Variants in ESRRG observed in about 807,000 individuals in gnomAD.
ESRRG encodes the protein estrogen related receptor gamma.
Under a neutral mutation model 44.0 loss-of-function variants are expected in ESRRG, and 13 were observed. That is an observed-to-expected ratio of 0.30 (90% CI 0.19 to 0.47). The LOEUF is 0.47. Among genes scored for constraint, ESRRG ranks in the 20% least tolerant of loss-of-function variants. The pLI, the probability that ESRRG is intolerant of heterozygous loss-of-function variation, is 1.00. For missense variants in ESRRG, 395 were observed against 580.6 expected (o/e 0.68, Z 3.29); for synonymous variants, 215 against 214.6 (o/e 1.00, Z -0.02).
intron 5 of ESRRG, among the ~76,000 whole-genome samples, chr1:216,563,808 C>T (rs973902687): frequency 2.0e-5 from 3 of 152,074 alleles, no homozygotes; most frequent in African/African-American, 7.2e-5. Flanking sequence ...TATAACTAGC[C>T]ACTATGAACA....
intron 6 of ESRRG, among the ~76,000 whole-genome samples, chr1:216,514,673 A>G (rs1211420837): frequency 6.6e-6 from 1 of 152,130 alleles, no homozygotes; most frequent in African/African-American, 2.4e-5. Context: ...GAAATAGCTC[A>G]TTGATAGCAA....
intron 2 of ESRRG, among the ~76,000 whole-genome samples, chr1:216,752,774 CT>C (rs1257581084): frequency 4.6e-5 from 7 of 152,138 alleles, no homozygotes; most frequent in African/African-American, 1.7e-4. Flanking sequence ...CCATCCATGC[CT>C]CTTATTAGCT....
At chr1:217,020,429 T>C (rs948133563) in intron 1 of ESRRG, among the ~76,000 whole-genome samples, 2 of 152,184 alleles carry the variant, frequency 1.3e-5, no homozygotes, top group African/African-American at 2.4e-5. Context: ...AACTGAGACT[T>C]GAAAGGTAAC....
intron 2 of ESRRG, among the ~76,000 whole-genome samples, chr1:216,656,997 T>G (rs2070774382): frequency 6.6e-6 from 1 of 152,216 alleles, no homozygotes; most frequent in Non-Finnish European, 1.5e-5. Flanking sequence ...TAATCTGTAG[T>G]ATTTTTGTTT....
At chr1:216,718,566 T>C (rs1020302335) in intron 1 of ESRRG, among the ~76,000 whole-genome samples, 1 of 151,960 alleles carries the variant, frequency 6.6e-6, no homozygotes, top group Non-Finnish European at 1.5e-5. Flanking sequence ...ATAAGTATGA[T>C]TGGAGAAAGA....
At chr1:217,134,643 C>A (rs2093022758) in intron 1 of ESRRG, among the ~76,000 whole-genome samples, 1 of 152,214 alleles carries the variant, frequency 6.6e-6, no homozygotes, top group Non-Finnish European at 1.5e-5. Context: ...TCCAGCCAGC[C>A]GCTGCGCGCC....
At chr1:217,030,688 A>G (rs1279320531) in intron 1 of ESRRG, among the ~76,000 whole-genome samples, 1 of 152,238 alleles carries the variant, frequency 6.6e-6, no homozygotes, top group Non-Finnish European at 1.5e-5. Context: ...GCATTTGTCA[A>G]ATTTTACATT....
intron 5 of ESRRG, among the ~76,000 whole-genome samples, chr1:216,521,433 CT>C: frequency 6.6e-6 from 1 of 150,502 alleles, no homozygotes; most frequent in Non-Finnish European, 1.5e-5. Context: ...GTAAGAATTT[CT>C]TGTGTAAATT....
intron 2 of ESRRG, among the ~76,000 whole-genome samples, chr1:216,859,384 G>A (rs2096010059): frequency 6.6e-6 from 1 of 152,202 alleles, no homozygotes; most frequent in Non-Finnish European, 1.5e-5. Flanking sequence ...ACATCTAAAA[G>A]GCTCAGGAAA....
intron 1 of ESRRG, among the ~76,000 whole-genome samples, chr1:216,965,602 C>T (rs1560288664): frequency 6.6e-6 from 1 of 152,136 alleles, no homozygotes; most frequent in Non-Finnish European, 1.5e-5. Flanking sequence ...TCTAGGCCTA[C>T]TTCAGGTCTG....
chr1:216,790,598 G>T (rs1469161382), intron 2 of ESRRG, among the ~76,000 whole-genome samples: 1 of 152,116 alleles, frequency 6.6e-6, no homozygotes, highest in Non-Finnish European at 1.5e-5. Flanking sequence ...AAATCATGGT[G>T]TAAGATTAAA....
intron 1 of ESRRG, among the ~76,000 whole-genome samples, chr1:217,060,444 C>A (rs1326750040): frequency 2.0e-5 from 3 of 152,046 alleles, no homozygotes; most frequent in African/African-American, 7.2e-5. Flanking sequence ...CTCCCCCTTT[C>A]CTCTGAACTT....
chr1:216,818,943 C>G (rs2095226664), intron 2 of ESRRG, among the ~76,000 whole-genome samples: 1 of 152,234 alleles, frequency 6.6e-6, no homozygotes, highest in South Asian at 2.1e-4. Context: ...AGGACATGAT[C>G]TCATTCTTTT....
chr1:216,693,171 T>C (rs1186323721), intron 1 of ESRRG, among the ~76,000 whole-genome samples: 1 of 152,258 alleles, frequency 6.6e-6, no homozygotes, highest in Admixed American at 6.5e-5. Flanking sequence ...CAGCAAGTCT[T>C]TCCTGGCACT....
chr1:217,132,027 C>T (rs897017912), intron 1 of ESRRG, among the ~76,000 whole-genome samples: 1 of 152,168 alleles, frequency 6.6e-6, no homozygotes, highest in Non-Finnish European at 1.5e-5. Flanking sequence ...GACCCCATTG[C>T]TGGAGCTCTG....
chr1:216,801,291 AC>A (rs2094608160), intron 2 of ESRRG, among the ~76,000 whole-genome samples: 1 of 152,102 alleles, frequency 6.6e-6, no homozygotes, highest in African/African-American at 2.4e-5. Context: ...CTGGACTCGA[AC>A]CCCTGTCTTC....
intron 1 of ESRRG, among the ~76,000 whole-genome samples, chr1:217,053,465 AAAAG>A (rs3072270): frequency 0.47 from 67,680 of 145,386 alleles, 16,506 homozygotes; most frequent in East Asian, 0.69. Context: ...AAAGCCAAAA[AAAAG>A]AAAGAAAGAA....
At chr1:216,549,618 C>T (rs1462820592) in intron 5 of ESRRG, among the ~76,000 whole-genome samples, 1 of 151,844 alleles carries the variant, frequency 6.6e-6, no homozygotes, top group East Asian at 1.9e-4. Context: ...AGTATGTGCC[C>T]CAAATTAACA....
chr1:216,641,117 C>T (rs1013684478), intron 3 of ESRRG, among the ~76,000 whole-genome samples: 1 of 152,072 alleles, frequency 6.6e-6, no homozygotes, highest in Non-Finnish European at 1.5e-5. Flanking sequence ...AATAGTATCC[C>T]TACTAAATCA....
Sources: gnomAD v4.1 joint callset for allele counts (sites outside exome capture counted in the v4.1 genomes callset) on GRCh38, gnomAD v4.1.1 for gene constraint, MANE v1.5 for transcripts, NCBI Gene and HGNC (gene_info 2026-07-23, HGNC 2026-07-21) for gene names.